TPD52L1: variants seen among roughly 807,000 people sequenced by gnomAD.
TPD52L1 encodes the protein TPD52 like 1.
Under a neutral mutation model 28.7 loss-of-function variants are expected in TPD52L1, and 18 were observed. That is an observed-to-expected ratio of 0.63 (90% CI 0.43 to 0.93). The LOEUF (loss-of-function observed/expected upper bound fraction) is 0.93, where lower values mean the gene tolerates loss of function less well. TPD52L1 is among the 40% of genes least tolerant of loss of function. The pLI, the probability that TPD52L1 is intolerant of heterozygous loss-of-function variation, is 0.00. For synonymous variants in TPD52L1, 75 were observed against 88.8 expected, an observed-to-expected ratio of 0.84 and a Z score of 0.88; for missense variants, 203 against 254.8, an observed-to-expected ratio of 0.80 and a Z score of 1.39.
chr6:125,233,303 G>A (rs766277721), intron 3 of TPD52L1, among the ~76,000 whole-genome samples: 1 of 152,146 alleles, frequency 6.6e-6, no homozygotes, highest in Non-Finnish European at 1.5e-5. Context: ...AAAATTGAAC[G>A]TTAGTTTATG....
At chr6:125,156,089 C>T (rs1231317804) in intron 1 of TPD52L1, among the ~76,000 whole-genome samples, 1 of 152,132 alleles carries the variant, frequency 6.6e-6, no homozygotes, top group Non-Finnish European at 1.5e-5. Flanking sequence ...TTCCTTTCCC[C>T]TCATGACTGG....
chr6:125,173,012 T>C (rs1433815328), intron 1 of TPD52L1, among the ~76,000 whole-genome samples: 1 of 152,158 alleles, frequency 6.6e-6, no homozygotes, highest in Non-Finnish European at 1.5e-5. Context: ...CCTTCCCCCA[T>C]TAAAAATAAT....
At chr6:125,188,678 A>T (rs919659899) in intron 1 of TPD52L1, among the ~76,000 whole-genome samples, 1 of 152,194 alleles carries the variant, frequency 6.6e-6, no homozygotes. Context: ...CATTTAAAAA[A>T]TACTGATCAC....
intron 1 of TPD52L1, among the ~76,000 whole-genome samples, chr6:125,183,564 C>T (rs575972164): frequency 6.8e-4 from 103 of 152,248 alleles, no homozygotes; most frequent in African/African-American, 2.2e-3. Context: ...GTGCCCAGTC[C>T]GTGAAGGGCC....
chr6:125,253,448 C>T (rs1295260373), intron 4 of TPD52L1: 8 of 477,428 alleles, frequency 1.7e-5, no homozygotes, highest in East Asian at 3.6e-5. Context: ...AGAAACCAGA[C>T]ATTCTCAGAT....
chr6:125,258,752 C>G (rs1797747746), intron 6 of TPD52L1, among the ~76,000 whole-genome samples: 1 of 152,134 alleles, frequency 6.6e-6, no homozygotes, highest in Non-Finnish European at 1.5e-5. Flanking sequence ...AGCCTGCCGT[C>G]TCCTTCAGAC....
At chr6:125,176,854 T>C (rs1311687116) in intron 1 of TPD52L1, among the ~76,000 whole-genome samples, 2 of 152,046 alleles carry the variant, frequency 1.3e-5, no homozygotes, top group African/African-American at 4.8e-5. Flanking sequence ...CTGGGCAATG[T>C]GGTGAAACCC....
chr6:125,237,549 G>A (rs986181742), intron 3 of TPD52L1, among the ~76,000 whole-genome samples: 3 of 152,136 alleles, frequency 2.0e-5, no homozygotes, highest in Non-Finnish European at 4.4e-5. Context: ...TTTTTGCACA[G>A]GAAAGTTTTT....
intron 1 of TPD52L1, among the ~76,000 whole-genome samples, chr6:125,219,521 T>C (rs906003016): frequency 1.3e-5 from 2 of 152,236 alleles, no homozygotes; most frequent in African/African-American, 4.8e-5. Flanking sequence ...AGTTGCAAGC[T>C]GCTTTCCCAT....
At chr6:125,224,470 C>CCTCTCTCTCTCTCTCT (rs58505448) in intron 2 of TPD52L1, among the ~76,000 whole-genome samples, 85 of 143,362 alleles carry the variant, frequency 5.9e-4, no homozygotes, top group African/African-American at 2.1e-3. Context: ...AGGCTCTGGG[C>CCTCTCTCTCTCTCTCT]CTCTCTCTCT....
intron 5 of TPD52L1, 143 bp from the exon 6 acceptor site, chr6:125,256,955 A>C (rs1583027731): frequency 1.6e-6 from 1 of 620,948 alleles, no homozygotes; most frequent in East Asian, 2.8e-5. Context: ...CATACATTTT[A>C]AAACGTGGTT....
At chr6:125,169,127 G>C (rs1791112529) in intron 1 of TPD52L1, among the ~76,000 whole-genome samples, 1 of 151,988 alleles carries the variant, frequency 6.6e-6, no homozygotes, top group Non-Finnish European at 1.5e-5. Context: ...TCTTGGCGGG[G>C]TTGCCCACTA....
At chr6:125,171,915 G>T (rs187752802) in intron 1 of TPD52L1, among the ~76,000 whole-genome samples, 73 of 151,558 alleles carry the variant, frequency 4.8e-4, no homozygotes, top group Non-Finnish European at 1.9e-4. Flanking sequence ...CGTGTGAGAG[G>T]AGAGGATGGG....
At chr6:125,244,182 G>T (rs1396650809) in intron 3 of TPD52L1, among the ~76,000 whole-genome samples, 1 of 152,056 alleles carries the variant, frequency 6.6e-6, no homozygotes, top group Non-Finnish European at 1.5e-5. Context: ...AGTTGGAATG[G>T]CAGGTATCTC....
At chr6:125,174,201 A>C (rs1484042537) in intron 1 of TPD52L1, among the ~76,000 whole-genome samples, 1 of 152,196 alleles carries the variant, frequency 6.6e-6, no homozygotes, top group Non-Finnish European at 1.5e-5. Context: ...ATTTCTCATG[A>C]AATATGCATT....
At chr6:125,243,196 T>C (rs1252961330) in intron 3 of TPD52L1, among the ~76,000 whole-genome samples, 1 of 152,206 alleles carries the variant, frequency 6.6e-6, no homozygotes, top group Non-Finnish European at 1.5e-5. Context: ...TAGGTTTTCC[T>C]TAATAGGTTA....
At chr6:125,257,303 A>C (rs1367464030) in intron 6 of TPD52L1, 145 bp downstream of exon 6, 2 of 592,854 alleles carry the variant, frequency 3.4e-6, no homozygotes, top group Admixed American at 6.3e-5. Context: ...AAATCTATGA[A>C]TAAAACCACT....
intron 1 of TPD52L1, among the ~76,000 whole-genome samples, chr6:125,192,104 G>A (rs1793087668): frequency 6.6e-6 from 1 of 152,108 alleles, no homozygotes; most frequent in Admixed American, 6.6e-5. Context: ...GGAGAATAGT[G>A]GGAGGGGCTG....
At chr6:125,161,861 A>C (rs1790541653) in intron 1 of TPD52L1, among the ~76,000 whole-genome samples, 2 of 152,222 alleles carry the variant, frequency 1.3e-5, no homozygotes, top group African/African-American at 4.8e-5. Context: ...ACATGACATG[A>C]GCCCATGTTG....
Sources: allele counts gnomAD v4.1 joint callset (sites outside exome capture counted in the v4.1 genomes callset), GRCh38; gene constraint gnomAD v4.1.1; transcripts MANE v1.5; gene names NCBI Gene and HGNC (gene_info 2026-07-23, HGNC 2026-07-21).